Variants in PHF14 observed in about 807,000 individuals in gnomAD.
PHF14 encodes PHD finger protein 14.
PHF14 carries 55 observed loss-of-function variants against 117.9 expected under a neutral mutation model. The observed-to-expected ratio is 0.47, with a 90% CI of 0.38 to 0.58. PHF14 has a LOEUF of 0.58. Among genes scored for constraint, PHF14 ranks in the 20% least tolerant of loss-of-function variants. The pLI is 0.00. For missense variants in PHF14, 978 were observed against 1,122.2 expected (o/e 0.87, Z 1.84); for synonymous variants, 409 against 368.6 (o/e 1.11, Z -1.26).
Position 11,062,075 on chromosome 7 carries a change from A to T in PHF14, c.2644A>T (p.Asn882Tyr). The stretch of plus-strand genomic sequence containing the variant: ...TTGCAAGGGAACTGGAGACAATGAA[A>T]ATCTTGTCAGGTAAGTTGGATGCTA... ...ATCKGTGDNE[N>Y]LVRCDECRLC... The change falls in exon 16 of 18, where the codon AAT (asparagine) becomes TAT (tyrosine). Residue 882 changes from asparagine to tyrosine, a missense_variant. Physicochemically the swap from Asn to Tyr is moderately radical, Grantham distance 143. Coordinates refer to ENST00000634607, the MANE Select transcript of PHF14 (RefSeq NM_001007157.2). 1 of 1,607,458 alleles carries T rather than the reference A, an allele frequency of 6.2e-7. No individual in the cohort carries two copies. Among genetic ancestry groups the T allele is most frequent in the Admixed American group, 1.7e-5 (1 of 59,324 alleles).
chr7:11,028,956 C>G (rs541995270), intron 7 of PHF14, 138 bp downstream of exon 7: 1 of 699,916 alleles, frequency 1.4e-6, no homozygotes, highest in African/African-American at 1.8e-5. Flanking sequence ...TGTTCTAAAA[C>G]TTTAAGAGTA....
At chr7:10,989,793 G>T (rs1167491154) in intron 3 of PHF14, among the ~76,000 whole-genome samples, 1 of 152,052 alleles carries the variant, frequency 6.6e-6, no homozygotes, top group Non-Finnish European at 1.5e-5. Flanking sequence ...ACCACGCCCA[G>T]CTAATTTTAA....
At chr7:10,976,687 A>G (rs761028422) in intron 2 of PHF14, among the ~76,000 whole-genome samples, 1 of 151,994 alleles carries the variant, frequency 6.6e-6, no homozygotes, top group Admixed American at 6.6e-5. Flanking sequence ...AGCTAAGTAG[A>G]GATTTCTGAC....
chr7:11,122,364 C>T lies in PHF14; in HGVS notation c.2772+10897C>T, dbSNP rs1248050233. 7.3e-4 allele frequency among the ~76,000 whole-genome samples: 63 copies of T among 85,744 alleles called. 1 individual carries two copies. The highest frequency in any genetic ancestry group is 2.7e-3 in the African/African-American group (51 of 18,610). 56.3% of individuals were successfully genotyped at this position (85,744 alleles called of 152,430 possible). On this transcript the variant is annotated intron_variant, in intron 17 of 17. Transcript: ENST00000634607. ...ATATATATATATATACACACACACA[C>T]ACACACACACACACACACACATACA...
chr7:11,041,230 T>C (rs1370124110), intron 12 of PHF14, among the ~76,000 whole-genome samples: 1 of 151,996 alleles, frequency 6.6e-6, no homozygotes, highest in Non-Finnish European at 1.5e-5. Flanking sequence ...TTTTTTCTCT[T>C]GATGCTCAGT....
chr7:11,106,484 A>C, intron 16 of PHF14: 3 of 949,924 alleles, frequency 3.2e-6, no homozygotes, highest in Non-Finnish European at 3.8e-6. Flanking sequence ...AAGGAATAAA[A>C]TATTGTACTT....
chr7:11,169,092 T>G (rs1789293033), intron 17 of PHF14, among the ~76,000 whole-genome samples: 1 of 151,670 alleles, frequency 6.6e-6, no homozygotes, highest in South Asian at 2.1e-4. Flanking sequence ...GCAATTAAAT[T>G]TATTGTTTTT....
intron 4 of PHF14, among the ~76,000 whole-genome samples, chr7:10,993,415 TTGC>T (rs1782529556): frequency 6.6e-6 from 1 of 152,158 alleles, no homozygotes; most frequent in Non-Finnish European, 1.5e-5. Context: ...TGCCCTTTTT[TTGC>T]TGCTAACACT....
chr7:11,001,260 A>G (rs145623656), intron 4 of PHF14, among the ~76,000 whole-genome samples: 196 of 152,188 alleles, frequency 1.3e-3, no homozygotes, highest in African/African-American at 4.5e-3. Context: ...CTATATATCT[A>G]TTCTTTGATT....
chr7:10,992,688 G>T (rs943104889), intron 4 of PHF14, among the ~76,000 whole-genome samples: 1 of 151,960 alleles, frequency 6.6e-6, no homozygotes, highest in Non-Finnish European at 1.5e-5. Context: ...ACAAAAAAAG[G>T]CATTCTCTTA....
chr7:11,044,676 A>G (rs953497672), intron 13 of PHF14, among the ~76,000 whole-genome samples: 6 of 152,196 alleles, frequency 3.9e-5, no homozygotes, highest in African/African-American at 1.4e-4. Flanking sequence ...AAGTTATACT[A>G]AAGATAATAA....
chr7:11,035,379 A>G (rs1784288058), intron 7 of PHF14, among the ~76,000 whole-genome samples: 1 of 152,144 alleles, frequency 6.6e-6, no homozygotes, highest in Admixed American at 6.5e-5. Context: ...CCCAAATAAT[A>G]CATTATATTT....
chr7:10,987,544 G>A (rs1169678031), intron 3 of PHF14, among the ~76,000 whole-genome samples: 1 of 151,982 alleles, frequency 6.6e-6, no homozygotes, highest in Non-Finnish European at 1.5e-5. Flanking sequence ...TTTACTATAA[G>A]TAGTGATTGA....
chr7:11,070,621 C>T (rs939181758), intron 16 of PHF14, among the ~76,000 whole-genome samples: 1 of 152,226 alleles, frequency 6.6e-6, no homozygotes, highest in East Asian at 1.9e-4. Flanking sequence ...CCATATTGAT[C>T]GTCTTACATT....
At chr7:11,106,560 A>G (rs1184295924) in intron 16 of PHF14, 1 of 983,386 alleles carries the variant, frequency 1.0e-6, no homozygotes, top group Admixed American at 6.2e-5. Flanking sequence ...TATTATTTGT[A>G]AAGTGATTTA....
At chr7:11,086,142 C>G (rs1786401112) in intron 16 of PHF14, among the ~76,000 whole-genome samples, 1 of 152,206 alleles carries the variant, frequency 6.6e-6, no homozygotes. Flanking sequence ...CCATCACCTT[C>G]TCTAGTTTGA....
chr7:11,057,074 A>T (rs951000914), intron 14 of PHF14, among the ~76,000 whole-genome samples: 2 of 152,042 alleles, frequency 1.3e-5, no homozygotes, highest in African/African-American at 4.8e-5. Context: ...TTTAATTATT[A>T]ATTTGTATAA....
At chr7:11,020,094 T>C (rs1195035792) in intron 5 of PHF14, among the ~76,000 whole-genome samples, 1 of 152,176 alleles carries the variant, frequency 6.6e-6, no homozygotes, top group African/African-American at 2.4e-5. Context: ...TTCTTTCTTT[T>C]TTTTTTTCCA....
At chr7:11,149,189 G>A (rs1449157218) in intron 17 of PHF14, among the ~76,000 whole-genome samples, 3 of 116,940 alleles carry the variant, frequency 2.6e-5, no homozygotes, top group Non-Finnish European at 5.0e-5. Flanking sequence ...TTTAGGTAAG[G>A]CCATCACAGT....
Sources: gnomAD v4.1 joint callset for allele counts (sites outside exome capture counted in the v4.1 genomes callset) on GRCh38, gnomAD v4.1.1 for gene constraint, MANE v1.5 for transcripts, NCBI Gene and HGNC (gene_info 2026-07-23, HGNC 2026-07-21) for gene names.